OR2L13: variants seen among roughly 807,000 people sequenced by gnomAD.
OR2L13 encodes olfactory receptor family 2 subfamily L member 13, also known as olfactory receptor 2L13.
OR2L13 carries 14 observed loss-of-function variants against 15.3 expected under a neutral mutation model. The ratio of observed to expected loss-of-function variants is 0.91; its 90% CI spans 0.60 to 1.43. The LOEUF is 1.43. Ranked by LOEUF, OR2L13 falls within the 40% of genes most tolerant of loss-of-function variation. The pLI, the probability that OR2L13 is intolerant of heterozygous loss-of-function variation, is 0.00. For synonymous variants in OR2L13, 152 were observed against 142.9 expected, an observed-to-expected ratio of 1.06 and a Z score of -0.45; for missense variants, 367 against 387.9, an observed-to-expected ratio of 0.95 and a Z score of 0.45.
At chr1:248,069,844 A>T in the OR2L13 span, among the ~76,000 whole-genome samples, 32 of 152,310 alleles carry the variant, frequency 2.1e-4, no homozygotes, top group East Asian at 5.8e-3. Flanking sequence ...GATAAAACAG[A>T]CTTTAAACCA....
chr1:247,949,560 A>G, the OR2L13 span: 1 of 1,614,134 alleles, frequency 6.2e-7, no homozygotes, highest in Non-Finnish European at 8.5e-7. Context: ...AGGGAGGAAG[A>G]AAGCCTATTT....
chr1:248,095,607 CTTTTTT>C (rs780686820), upstream of OR2L13, among the ~76,000 whole-genome samples: 1 of 37,294 alleles, frequency 2.7e-5, no homozygotes, highest in Non-Finnish European at 5.4e-5. Context: ...AAAGCTGCTG[CTTTTTT>C]TTTTTTTTTT....
At chr1:247,995,898 C>T in the OR2L13 span, among the ~76,000 whole-genome samples, 9 of 152,290 alleles carry the variant, frequency 5.9e-5, 2 homozygotes, top group Admixed American at 2.0e-4. Context: ...GGTCCACTGA[C>T]GCAGTGGGTC....
the OR2L13 span, among the ~76,000 whole-genome samples, chr1:247,989,058 T>C: frequency 6.6e-6 from 1 of 152,098 alleles, no homozygotes; most frequent in Non-Finnish European, 1.5e-5. Context: ...GAACTTGGCA[T>C]ATAGATATTC....
At chr1:248,022,237 G>C in the OR2L13 span, 4 of 1,614,074 alleles carry the variant, frequency 2.5e-6, no homozygotes, top group Non-Finnish European at 3.4e-6. Context: ...ATTGGGTGTG[G>C]GATTCAGAGT....
the OR2L13 span, chr1:248,038,946 A>C: frequency 6.2e-7 from 1 of 1,614,120 alleles, no homozygotes; most frequent in Middle Eastern, 1.6e-4. Context: ...TGTCTACCGC[A>C]TGCACTCTGC....
At chr1:248,059,482 G>A in the OR2L13 span, among the ~76,000 whole-genome samples, 1 of 152,130 alleles carries the variant, frequency 6.6e-6, no homozygotes, top group South Asian at 2.1e-4. Context: ...AACCTATTTG[G>A]TAAGGCATCT....
chr1:248,028,232 C>T, the OR2L13 span, among the ~76,000 whole-genome samples: 1 of 150,922 alleles, frequency 6.6e-6, no homozygotes, highest in African/African-American at 2.4e-5. Flanking sequence ...CTTCAGCTGA[C>T]CTATGATTAA....
At chr1:248,065,502 T>C in the OR2L13 span, among the ~76,000 whole-genome samples, 8 of 151,726 alleles carry the variant, frequency 5.3e-5, no homozygotes, top group Non-Finnish European at 1.0e-4. Flanking sequence ...GTTACATATG[T>C]ATACATGTGC....
chr1:248,016,988 A>G, the OR2L13 span, among the ~76,000 whole-genome samples: 1 of 152,134 alleles, frequency 6.6e-6, no homozygotes, highest in Non-Finnish European at 1.5e-5. Flanking sequence ...GTGTGTGGAG[A>G]TAGTCAATAA....
At chr1:247,946,116 T>A in the OR2L13 span, among the ~76,000 whole-genome samples, 1 of 152,184 alleles carries the variant, frequency 6.6e-6, no homozygotes, top group Non-Finnish European at 1.5e-5. Context: ...TTTGATACTA[T>A]TGTTAATAAA....
At chr1:247,949,100 A>G in the OR2L13 span, 7 of 1,613,936 alleles carry the variant, frequency 4.3e-6, no homozygotes, top group South Asian at 4.4e-5. Context: ...CTAAGATGGC[A>G]TCTGATTTTC....
In OR2L13 at chr1:248,099,755, ACTCT is replaced by A. The variant is rs1170348475; in HGVS notation, c.385_388del (p.Leu129IlefsTer6). On this transcript the variant is annotated frameshift_variant, in exon 3 of 3. Coordinates refer to ENST00000641714, the Ensembl canonical transcript of OR2L13. LOFTEE classifies it high-confidence loss of function. Reference sequence around the variant, plus strand: ...TACGACCGTTATTTGGCCATCTGCCACTCTCTCTATTATCCTATCCGCATGAGTA... The same window carrying A: ...TACGACCGTTATTTGGCCATCTGCCACTCTATTATCCTATCCGCATGAGTA... The A allele has an allele frequency of 1.4e-5, 22 of 1,613,690 alleles. No individual in the cohort carries two copies. The highest frequency in any genetic ancestry group is 2.2e-5 in the South Asian group (2 of 91,048).
the OR2L13 span, among the ~76,000 whole-genome samples, chr1:247,989,096 T>A: frequency 1.3e-5 from 2 of 152,058 alleles, no homozygotes; most frequent in East Asian, 3.9e-4. Flanking sequence ...AACTTAAGAA[T>A]TCTGAAATTG....
At chr1:248,038,588 A>G in the OR2L13 span, 35 of 1,614,180 alleles carry the variant, frequency 2.2e-5, no homozygotes, top group African/African-American at 1.3e-5. Context: ...TGACTTTAGC[A>G]GTTGCAGAAG....
At chr1:248,068,654 C>G in the OR2L13 span, among the ~76,000 whole-genome samples, 1 of 152,154 alleles carries the variant, frequency 6.6e-6, no homozygotes, top group Admixed American at 6.5e-5. Flanking sequence ...GAGAAGAAGC[C>G]TTCAGACGAT....
At chr1:247,989,639 TTCA>T in the OR2L13 span, among the ~76,000 whole-genome samples, 1 of 152,202 alleles carries the variant, frequency 6.6e-6, no homozygotes, top group Non-Finnish European at 1.5e-5. Flanking sequence ...GAAAGATTAC[TTCA>T]TCATTTAAGA....
chr1:247,969,762 C>G, the OR2L13 span, among the ~76,000 whole-genome samples: 1 of 152,134 alleles, frequency 6.6e-6, no homozygotes. Flanking sequence ...AAGCTAAGGG[C>G]TTTATTCAGA....
chr1:247,946,573 C>T, the OR2L13 span, among the ~76,000 whole-genome samples: 1 of 152,174 alleles, frequency 6.6e-6, no homozygotes, highest in African/African-American at 2.4e-5. Flanking sequence ...CTCTTGCTGA[C>T]CCCAAAGGCA....
Sources: allele counts gnomAD v4.1 joint callset (sites outside exome capture counted in the v4.1 genomes callset), GRCh38; gene constraint gnomAD v4.1.1; transcripts MANE v1.5; gene names NCBI Gene and HGNC (gene_info 2026-07-23, HGNC 2026-07-21).